The following CRACD variants were observed in gnomAD, a reference collection of about 807,000 sequenced individuals.
CRACD encodes capping protein-inhibiting regulator of actin dynamics.
A neutral mutation model predicts 106.8 loss-of-function variants in CRACD; 56 were observed. The observed-to-expected ratio is 0.52, with a 90% CI of 0.42 to 0.66. The LOEUF (loss-of-function observed/expected upper bound fraction) is 0.66, where lower values mean the gene tolerates loss of function less well. CRACD is among the 30% of genes least tolerant of loss of function. The pLI is 0.00. For missense variants in CRACD, 1,730 were observed against 1,623.2 expected, an observed-to-expected ratio of 1.07 and a Z score of -1.13; for synonymous variants, 754 against 670.8, an observed-to-expected ratio of 1.12 and a Z score of -1.92.
At chr4:56,095,463 C>G (rs1274368926) in intron 1 of CRACD, among the ~76,000 whole-genome samples, 1 of 152,114 alleles carries the variant, frequency 6.6e-6, no homozygotes, top group Non-Finnish European at 1.5e-5. Flanking sequence ...CTAGGGAGGC[C>G]TCATTCAGAA....
intron 1 of CRACD, among the ~76,000 whole-genome samples, chr4:56,119,449 G>A (rs898584302): frequency 5.9e-5 from 9 of 151,676 alleles, no homozygotes; most frequent in African/African-American, 1.7e-4. Context: ...TCCCACCTCA[G>A]ACTCCCAAGT....
intron 1 of CRACD, among the ~76,000 whole-genome samples, chr4:56,094,468 A>T (rs1437234007): frequency 3.8e-5 from 5 of 130,714 alleles, no homozygotes; most frequent in African/African-American, 1.5e-4. Context: ...TCACTTTGTC[A>T]CCTAGGCTGG....
chr4:56,055,732 C>CT (rs1732035719), intron 1 of CRACD, among the ~76,000 whole-genome samples: 1 of 152,200 alleles, frequency 6.6e-6, no homozygotes, highest in Non-Finnish European at 1.5e-5. Flanking sequence ...GATGGGTTAA[C>CT]TGTCTTCTAG....
chr4:56,290,172 G>C (rs1297654719), intron 3 of CRACD, among the ~76,000 whole-genome samples: 2 of 152,232 alleles, frequency 1.3e-5, no homozygotes, highest in African/African-American at 4.8e-5. Flanking sequence ...TGCAGGCTCA[G>C]AATAGGTCTG....
intron 5 of CRACD, 71 bp from the exon 6 acceptor site, chr4:56,310,595 G>C (rs1745087681): frequency 1.8e-6 from 2 of 1,113,598 alleles, no homozygotes; most frequent in Non-Finnish European, 2.7e-6. Flanking sequence ...CCCAGGCACA[G>C]ACAGTGTCTG....
chr4:56,128,096 A>G (rs1453323162), intron 1 of CRACD, among the ~76,000 whole-genome samples: 1 of 152,010 alleles, frequency 6.6e-6, no homozygotes, highest in Non-Finnish European at 1.5e-5. Context: ...CCATGTCCCC[A>G]TCATATCAAT....
intron 10 of CRACD, among the ~76,000 whole-genome samples, chr4:56,326,162 T>G (rs1746431185): frequency 6.6e-6 from 1 of 152,204 alleles, no homozygotes; most frequent in South Asian, 2.1e-4. Context: ...TCCGCCCACC[T>G]CGGCCTCCCA....
intron 2 of CRACD, among the ~76,000 whole-genome samples, chr4:56,216,899 G>C (rs1309538941): frequency 2.0e-5 from 3 of 146,604 alleles, no homozygotes; most frequent in Middle Eastern, 3.6e-3. Context: ...AGAATGGCGT[G>C]AACCCGGGAA....
Position 56,314,130 on chromosome 4 carries a change from G to A in CRACD, c.628G>A (p.Glu210Lys), listed in dbSNP as rs1745338325. The A allele has an allele frequency of 6.2e-7, 1 of 1,614,224 alleles. No individual in the cohort carries two copies. Among genetic ancestry groups the A allele is most frequent in the Non-Finnish European group, 8.5e-7 (1 of 1,180,046 alleles). ...PGEDKPTWHEEEPNPLDSEEE... is the reference protein window; with the variant it reads ...PGEDKPTWHEKEPNPLDSEEE... ...CGAGGACAAGCCAACGTGGCACGAA[G>A]AGGAACCCAATCCGCTGGATTCCGA... The change falls in exon 8 of 11, where the codon GAG becomes AAG. Residue 210 changes from glutamate (E) to lysine (K), a missense_variant. By Grantham distance (56) the Glu-to-Lys change is moderately conservative. Coordinates refer to ENST00000682029, the MANE Select transcript of CRACD (RefSeq NM_001393381.1). The surrounding 1 kb of genome is among the most constrained non-coding windows in gnomAD (Gnocchi z 4.4).
At position 56,109,266 on chromosome 4, in the gene CRACD, A is replaced by T. The variant is rs1272409614; in HGVS notation, c.-336+59967A>T. Among the ~76,000 whole-genome samples, 3 of 152,376 alleles carry T rather than the reference A, an allele frequency of 2.0e-5. No individual in the cohort carries two copies. The East Asian group carries it at 5.8e-4, about 29-fold the overall frequency. On this transcript the variant is annotated intron_variant, in intron 1 of 10. Transcript: ENST00000682029. ...CGAAGAGTAATATTAAAAGCTAATGATTATTAACGTTTATACTAATGGTTG... is the reference window on the plus strand; with the variant it reads ...CGAAGAGTAATATTAAAAGCTAATGTTTATTAACGTTTATACTAATGGTTG...
chr4:56,194,185 G>A (rs1305338444), intron 2 of CRACD, among the ~76,000 whole-genome samples: 1 of 152,178 alleles, frequency 6.6e-6, no homozygotes, highest in Admixed American at 6.5e-5. Context: ...AAAAGAAAAT[G>A]TGTAACTGAT....
Position 56,315,859 on chromosome 4 carries a change from C to T in CRACD, c.2357C>T (p.Thr786Ile). 6.2e-7 allele frequency: 1 copy of T among 1,614,216 alleles called. No homozygotes were observed. The highest frequency in any genetic ancestry group is 2.2e-5 in the East Asian group (1 of 44,872). ...ATGCACCGGGAGCCCGCAGACACCA[C>T]CGAGGGATGCAAATTTGCCAAAGAC... Reference protein sequence around the residue: ...SEMHREPADTTEGCKFAKDLP... With the variant: ...SEMHREPADTIEGCKFAKDLP... Residue 786 changes from threonine (T) to isoleucine (I), a missense_variant, in exon 8 of 11, where the codon ACC becomes ATC. Physicochemically the swap from Thr to Ile is moderately conservative, Grantham distance 89 (BLOSUM62 -1). This residue lies in a region of CRACD where 1,620 missense variants were observed against 1,481.6 expected (regional missense o/e 1.09). Coordinates refer to ENST00000682029, the MANE Select transcript of CRACD (RefSeq NM_001393381.1). The surrounding 1 kb of genome is among the most constrained non-coding windows in gnomAD (Gnocchi z 4.1).
At chr4:56,247,004 G>A (rs1049937612) in intron 2 of CRACD, among the ~76,000 whole-genome samples, 1 of 152,158 alleles carries the variant, frequency 6.6e-6, no homozygotes, top group Non-Finnish European at 1.5e-5. Context: ...ATTCATAGTT[G>A]GCCCTCTGTA....
chr4:56,133,449 C>T (rs1176764627), intron 1 of CRACD, among the ~76,000 whole-genome samples: 1 of 152,182 alleles, frequency 6.6e-6, no homozygotes, highest in African/African-American at 2.4e-5. Flanking sequence ...TGTCTCCCAT[C>T]AATCAATCAA....
chr4:56,249,689 C>T (rs1740934785), intron 2 of CRACD, among the ~76,000 whole-genome samples: 1 of 152,168 alleles, frequency 6.6e-6, no homozygotes, highest in Non-Finnish European at 1.5e-5. Flanking sequence ...GGAGATGCCT[C>T]CCTGAGCCTA....
At chr4:56,291,781 A>G (rs910422459) in intron 3 of CRACD, among the ~76,000 whole-genome samples, 2 of 152,228 alleles carry the variant, frequency 1.3e-5, no homozygotes, top group African/African-American at 4.8e-5. Flanking sequence ...TAGCCTGCAG[A>G]ACCATAAGCC....
At chr4:56,097,753 G>C (rs1733643965) in intron 1 of CRACD, among the ~76,000 whole-genome samples, 1 of 152,144 alleles carries the variant, frequency 6.6e-6, no homozygotes, top group African/African-American at 2.4e-5. Flanking sequence ...ATGGGATCAA[G>C]GAATTGTTAG....
At chr4:56,268,474 A>G (rs907058320) in intron 2 of CRACD, among the ~76,000 whole-genome samples, 1 of 152,190 alleles carries the variant, frequency 6.6e-6, no homozygotes, top group African/African-American at 2.4e-5. Context: ...TGTAAAAAAA[A>G]TTATTTTTAA....
At chr4:56,136,261 C>A (rs1286207616) in intron 1 of CRACD, among the ~76,000 whole-genome samples, 2 of 152,104 alleles carry the variant, frequency 1.3e-5, no homozygotes, top group African/African-American at 4.8e-5. Flanking sequence ...GCTTTCATTT[C>A]TCTTGGATAA....
Sources: allele counts gnomAD v4.1 joint callset (sites outside exome capture counted in the v4.1 genomes callset), GRCh38; gene constraint gnomAD v4.1.1; regional missense constraint gnomAD v4.1.1; non-coding constraint Gnocchi (gnomAD v3.1); transcripts MANE v1.5; gene names NCBI Gene and HGNC (gene_info 2026-07-23, HGNC 2026-07-21).